Variants in SPOP observed in about 807,000 individuals in gnomAD.
SPOP encodes the protein speckle type BTB/POZ protein, also known as speckle-type POZ protein.
SPOP carries 11 observed loss-of-function variants against 45.6 expected under a neutral mutation model. That is an observed-to-expected ratio of 0.24 (90% CI 0.15 to 0.40). The LOEUF (loss-of-function observed/expected upper bound fraction) is 0.40. Ranked by LOEUF, SPOP falls within the 10% of genes least tolerant of loss-of-function variation. SPOP has a pLI of 1.00. For missense variants in SPOP, 152 were observed against 465.6 expected, an observed-to-expected ratio of 0.33 and a Z score of 6.20; for synonymous variants, 166 against 166.3, an observed-to-expected ratio of 1.00 and a Z score of 0.01.
chr17:49,656,658 T>C (rs937609950), intron 1 of SPOP, among the ~76,000 whole-genome samples: 20 of 152,208 alleles, frequency 1.3e-4, no homozygotes, highest in African/African-American at 4.6e-4. Context: ...TCTGAAGCAT[T>C]TCCTAACTGC....
chr17:49,622,925 G>A (rs2072248617), intron 1 of SPOP, 49 bp from the exon 2 acceptor site: 5 of 832,626 alleles, frequency 6.0e-6, no homozygotes, highest in South Asian at 3.1e-5. Context: ...ATTAAGATAC[G>A]ATCCTAACTA....
intron 1 of SPOP, among the ~76,000 whole-genome samples, chr17:49,673,419 T>A (rs1244245577): frequency 1.3e-5 from 2 of 151,640 alleles, no homozygotes; most frequent in East Asian, 3.9e-4. Flanking sequence ...GGCAGGAGAA[T>A]GGCATGAACC....
At chr17:49,608,802 A>G (rs1401872294) in intron 6 of SPOP, among the ~76,000 whole-genome samples, 1 of 152,252 alleles carries the variant, frequency 6.6e-6, no homozygotes, top group African/African-American at 2.4e-5. Context: ...TAAGAGTGAA[A>G]GAATGGACAA....
chr17:49,620,967 A>C (rs925843088), intron 3 of SPOP, among the ~76,000 whole-genome samples: 16 of 152,232 alleles, frequency 1.1e-4, no homozygotes, highest in African/African-American at 3.9e-4. Context: ...TAAAATGCAC[A>C]ATATATAGCC....
chr17:49,643,932 G>GAAAAAAA (rs202083202), intron 1 of SPOP, among the ~76,000 whole-genome samples: 1 of 98,416 alleles, frequency 1.0e-5, no homozygotes. Context: ...CCGTCTCAAG[G>GAAAAAAA]AAAAAAAAAA....
intron 5 of SPOP, among the ~76,000 whole-genome samples, chr17:49,617,998 G>A (rs1221081470): frequency 6.6e-6 from 1 of 151,996 alleles, no homozygotes; most frequent in Non-Finnish European, 1.5e-5. Flanking sequence ...TCTGCAAAAG[G>A]GCAAGATTCC....
chr17:49,647,541 C>A (rs1448540428), intron 1 of SPOP, among the ~76,000 whole-genome samples: 1 of 151,904 alleles, frequency 6.6e-6, no homozygotes, highest in Non-Finnish European at 1.5e-5. Context: ...AATGCAGTAG[C>A]GCAATCTCGG....
intron 1 of SPOP, among the ~76,000 whole-genome samples, chr17:49,665,624 C>CA (rs1367252951): frequency 8.1e-6 from 1 of 123,122 alleles, no homozygotes; most frequent in Non-Finnish European, 1.7e-5. Flanking sequence ...ACAAAAAAAG[C>CA]AAAAAAAGAT....
In SPOP at chr17:49,636,324, AAAT is replaced by A. The variant is rs1354506072; in HGVS notation, c.-66-13451_-66-13449del. 2.0e-5 allele frequency: 3 copies of A among 152,298 alleles called. No homozygotes were observed. In the East Asian group the frequency reaches 5.8e-4, roughly 29 times the overall value. The allele number at this position is 152,298 out of a possible 1,614,324, so 9.4% of individuals were successfully genotyped here. A position where few individuals can be genotyped will look rare whatever the true frequency, so the allele number is the denominator to read the frequency against. ...TCCTGAAGAACTTTTCTAGGAAGAA[AAAT>A]AATCTGACTCTAAGGTTTCCGTATC... On this transcript the variant is annotated intron_variant, in intron 1 of 9. Transcript: ENST00000504102.
intron 1 of SPOP, among the ~76,000 whole-genome samples, chr17:49,638,329 C>T (rs1274152559): frequency 1.3e-5 from 2 of 152,158 alleles, no homozygotes; most frequent in Non-Finnish European, 2.9e-5. Context: ...GTGGCTCACA[C>T]CTGTAATCCC....
intron 5 of SPOP, among the ~76,000 whole-genome samples, chr17:49,618,169 C>G (rs1406463873): frequency 6.6e-6 from 1 of 152,110 alleles, no homozygotes; most frequent in Admixed American, 6.5e-5. Context: ...AGCGGTGCTG[C>G]TCAGGAAGTG....
chr17:49,622,898 G>A, intron 1 of SPOP, 22 bp from the exon 2 acceptor site: 6 of 1,091,460 alleles, frequency 5.5e-6, no homozygotes, highest in South Asian at 1.3e-5. Flanking sequence ...CAAGAAGCAA[G>A]AAAACTTTAT....
intron 1 of SPOP, among the ~76,000 whole-genome samples, chr17:49,655,456 G>A (rs900674619): frequency 3.3e-5 from 5 of 151,876 alleles, no homozygotes; most frequent in African/African-American, 9.7e-5. Flanking sequence ...GCTTGCAGTG[G>A]GCCGAGATCG....
intron 1 of SPOP, among the ~76,000 whole-genome samples, chr17:49,628,474 A>G (rs1029426955): frequency 1.3e-5 from 2 of 152,160 alleles, no homozygotes; most frequent in Admixed American, 1.3e-4. Context: ...ATGTGATTCA[A>G]GCCAACAATA....
chr17:49,624,331 G>GCGCGCGCACACA (rs71352523), intron 1 of SPOP, among the ~76,000 whole-genome samples: 19 of 149,308 alleles, frequency 1.3e-4, no homozygotes, highest in African/African-American at 4.5e-4. Flanking sequence ...GCGCGCGCGC[G>GCGCGCGCACACA]CACACACACA....
At chr17:49,608,887 A>C (rs2071907819) in intron 6 of SPOP, among the ~76,000 whole-genome samples, 1 of 152,074 alleles carries the variant, frequency 6.6e-6, no homozygotes, top group South Asian at 2.1e-4. Flanking sequence ...GAAAGCACTA[A>C]TTTTAGCTCT....
rs747798869 is a variant in SPOP at position 49,623,878 on chromosome 17, CA to C, written c.-66-1003del. Among the ~76,000 whole-genome samples the C allele has an allele frequency of 3.5e-4, 54 of 152,180 alleles. 1 individual carries two copies. The highest frequency in any genetic ancestry group is 1.0e-3 in the South Asian group (5 of 4,828). ...TTTTCTCAATCTACATTCTCTGTGT[CA>C]ATTTTTTGTTTTTTCACCAGTCAGA... On this transcript the variant is annotated intron_variant, in intron 1 of 9. Coordinates refer to ENST00000504102, the MANE Select transcript of SPOP (RefSeq NM_001007228.2).
At chr17:49,635,918 G>A (rs1222026327) in intron 1 of SPOP, among the ~76,000 whole-genome samples, 1 of 152,050 alleles carries the variant, frequency 6.6e-6, no homozygotes, top group Non-Finnish European at 1.5e-5. Flanking sequence ...ATAGGTGTGA[G>A]CCACCGCACC....
chr17:49,625,007 T>C (rs1471068599), intron 1 of SPOP, among the ~76,000 whole-genome samples: 2 of 152,200 alleles, frequency 1.3e-5, no homozygotes, highest in Non-Finnish European at 2.9e-5. Flanking sequence ...GCTAGAGCTG[T>C]GATTCTGAAG....
Sources: gnomAD v4.1 joint callset for allele counts (sites outside exome capture counted in the v4.1 genomes callset) on GRCh38, gnomAD v4.1.1 for gene constraint, MANE v1.5 for transcripts, NCBI Gene and HGNC (gene_info 2026-07-23, HGNC 2026-07-21) for gene names.